The following MMP16 variants were observed in gnomAD, a reference collection of about 807,000 sequenced individuals.
The protein encoded by MMP16 is matrix metallopeptidase 16.
MMP16 carries 12 observed loss-of-function variants against 67.8 expected under a neutral mutation model. That is an observed-to-expected ratio of 0.18 (90% CI 0.11 to 0.29). The LOEUF (loss-of-function observed/expected upper bound fraction) is 0.29, where lower values mean the gene tolerates loss of function less well. Ranked by LOEUF, MMP16 falls within the 10% of genes least tolerant of loss-of-function variation. The probability of loss-of-function intolerance (pLI) is 1.00; values close to 1 mark genes in which losing one functional copy is unlikely to be tolerated. For synonymous variants in MMP16, 249 were observed against 255.9 expected, an observed-to-expected ratio of 0.97 and a Z score of 0.26; for missense variants, 475 against 765.7, an observed-to-expected ratio of 0.62 and a Z score of 4.48.
At chr8:88,169,063 T>C (rs980310670) in intron 3 of MMP16, among the ~76,000 whole-genome samples, 3 of 152,102 alleles carry the variant, frequency 2.0e-5, no homozygotes, top group Admixed American at 6.6e-5. Context: ...TGAATATATA[T>C]TGAAATGCAA....
intron 1 of MMP16, among the ~76,000 whole-genome samples, chr8:88,311,798 T>G (rs2130067654): frequency 2.0e-5 from 3 of 152,062 alleles, no homozygotes; most frequent in Middle Eastern, 6.8e-3. Flanking sequence ...GCTACAGGGC[T>G]AGAGAAAGGG....
chr8:88,221,186 G>T (rs1809676702), intron 1 of MMP16, among the ~76,000 whole-genome samples: 1 of 152,080 alleles, frequency 6.6e-6, no homozygotes, highest in Admixed American at 6.6e-5. Flanking sequence ...AAGATGCCCT[G>T]TCCTTTTTCT....
At position 88,037,540 on chromosome 8, in the gene MMP16, GTA is replaced by G. The variant is rs1808070717; in HGVS notation, c.*3919_*3920del. The G allele has an allele frequency of 1.3e-5, 2 of 151,968 alleles. No homozygotes were observed. Among genetic ancestry groups the G allele is most frequent in the Non-Finnish European group, 2.9e-5 (2 of 67,858 alleles). The allele number at this position is 151,968 out of a possible 1,614,324, so 9.4% of individuals were successfully genotyped here. ...TTTATAACAGAAGTTGTCTTTGCTAGTATCACATAATGCTGTCTAATTTAGCT... is the reference window on the plus strand; with the variant it reads ...TTTATAACAGAAGTTGTCTTTGCTAGTCACATAATGCTGTCTAATTTAGCT... On this transcript the variant is annotated 3_prime_UTR_variant, in exon 10 of 10. Coordinates refer to ENST00000286614, the MANE Select transcript of MMP16 (RefSeq NM_005941.5).
At chr8:88,241,610 A>C (rs1810035358) in intron 1 of MMP16, among the ~76,000 whole-genome samples, 1 of 152,130 alleles carries the variant, frequency 6.6e-6, no homozygotes, top group African/African-American at 2.4e-5. Context: ...TATGGTATAT[A>C]ACATGATGTT....
At position 88,256,531 on chromosome 8, in the gene MMP16, A is replaced by G. The variant is rs117363849; in HGVS notation, c.133-59225T>C. On this transcript the variant is annotated intron_variant, in intron 1 of 9. Transcript: ENST00000286614. ...AAAAGCCCAAGACATTCAGAATTCA[A>G]TAAACTTATTTTTGAATCAAACCGA... Among the ~76,000 whole-genome samples the G allele has an allele frequency of 6.8e-3, 1,038 of 152,282 alleles. 7 individuals carry two copies. The highest frequency in any genetic ancestry group is 0.011 in the Non-Finnish European group (768 of 68,018).
At chr8:88,270,716 T>C (rs1441962843) in intron 1 of MMP16, among the ~76,000 whole-genome samples, 2 of 152,210 alleles carry the variant, frequency 1.3e-5, no homozygotes, top group South Asian at 2.1e-4. Flanking sequence ...GTCAGGTCAA[T>C]TGTCATTTTC....
At chr8:88,054,500 T>C (rs879898390) in intron 8 of MMP16, among the ~76,000 whole-genome samples, 4 of 152,222 alleles carry the variant, frequency 2.6e-5, no homozygotes, top group Non-Finnish European at 5.9e-5. Flanking sequence ...GGACATCCTG[T>C]TGAGAGTCAT....
At chr8:88,083,140 A>G (rs1483057517) in intron 6 of MMP16, among the ~76,000 whole-genome samples, 2 of 152,136 alleles carry the variant, frequency 1.3e-5, no homozygotes, top group African/African-American at 4.8e-5. Flanking sequence ...AGATATAAGT[A>G]TGTTAATTAA....
In MMP16 at chr8:88,074,593, A is replaced by G; in HGVS notation, c.1222+12T>C. The stretch of plus-strand genomic sequence containing the variant: ...AAAATACAACATAGCCAGATATGGA[A>G]AACATCCTTACCTTTAAAGAACACA... On this transcript the variant is annotated intron_variant, in intron 7 of 9. Transcript: ENST00000286614. 6.2e-7 allele frequency: 1 copy of G among 1,612,236 alleles called. No homozygotes were observed. The highest frequency in any genetic ancestry group is 8.5e-7 in the Non-Finnish European group (1 of 1,178,990).
chr8:88,148,905 A>AAGAC (rs1808342953), intron 4 of MMP16, among the ~76,000 whole-genome samples: 1 of 152,184 alleles, frequency 6.6e-6, no homozygotes, highest in Non-Finnish European at 1.5e-5. Flanking sequence ...TCCCAGCGTG[A>AAGAC]GCGACGCAGA....
At chr8:88,180,350 T>G (rs1015997931) in intron 3 of MMP16, among the ~76,000 whole-genome samples, 2 of 151,618 alleles carry the variant, frequency 1.3e-5, no homozygotes, top group Non-Finnish European at 2.9e-5. Flanking sequence ...CAACAAAATT[T>G]AACAAAAACA....
At chr8:88,305,187 A>G (rs1811194312) in intron 1 of MMP16, among the ~76,000 whole-genome samples, 1 of 152,228 alleles carries the variant, frequency 6.6e-6, no homozygotes, top group Admixed American at 6.5e-5. Context: ...AAAGATCAAA[A>G]AATACAAAGA....
In MMP16 at chr8:88,218,355, T is replaced by C. The variant is rs1029390212; in HGVS notation, c.133-21049A>G. Among the ~76,000 whole-genome samples the C allele has an allele frequency of 9.2e-5, 14 of 152,010 alleles. No individual in the cohort carries two copies. In the East Asian group the frequency reaches 2.1e-3, roughly 23 times the overall value. On this transcript the variant is annotated intron_variant, in intron 1 of 9. Transcript: ENST00000286614. The stretch of plus-strand genomic sequence containing the variant: ...AGAATGTAGGGGAAATTGAAGGATT[T>C]CAATTAAAGGGGACAAACTTTCAAT...
chr8:88,303,061 A>T (rs1001245092), intron 1 of MMP16, among the ~76,000 whole-genome samples: 6 of 152,212 alleles, frequency 3.9e-5, no homozygotes, highest in African/African-American at 1.4e-4. Flanking sequence ...TGGGTCTGAT[A>T]CACAGAGCTA....
intron 8 of MMP16, among the ~76,000 whole-genome samples, chr8:88,054,707 A>AG (rs1315227479): frequency 5.9e-5 from 9 of 152,238 alleles, no homozygotes; most frequent in African/African-American, 1.7e-4. Flanking sequence ...TAAATTTAAA[A>AG]GTGTACATTC....
At chr8:88,172,109 TG>T (rs1341228176) in intron 3 of MMP16, among the ~76,000 whole-genome samples, 1 of 152,176 alleles carries the variant, frequency 6.6e-6, no homozygotes, top group Non-Finnish European at 1.5e-5. Context: ...TGTGCCACCG[TG>T]CCCGGCCATA....
chr8:88,255,110 A>C (rs913309708), intron 1 of MMP16, among the ~76,000 whole-genome samples: 2 of 152,156 alleles, frequency 1.3e-5, no homozygotes, highest in Non-Finnish European at 2.9e-5. Context: ...AATATTGGAC[A>C]TGGGGCCTGG....
intron 1 of MMP16, among the ~76,000 whole-genome samples, chr8:88,296,406 A>C (rs968088930): frequency 6.6e-6 from 1 of 152,190 alleles, no homozygotes; most frequent in African/African-American, 2.4e-5. Flanking sequence ...CGCCTCATCA[A>C]CTTATTTTTT....
At chr8:88,205,002 G>C (rs1390385996) in intron 1 of MMP16, among the ~76,000 whole-genome samples, 2 of 152,096 alleles carry the variant, frequency 1.3e-5, no homozygotes, top group Admixed American at 1.3e-4. Flanking sequence ...CACAGAATCT[G>C]TTCTTTGGTC....
Sources: allele counts gnomAD v4.1 joint callset (sites outside exome capture counted in the v4.1 genomes callset), GRCh38; gene constraint gnomAD v4.1.1; transcripts MANE v1.5; gene names NCBI Gene and HGNC (gene_info 2026-07-23, HGNC 2026-07-21).